Variants in RTCA observed in about 807,000 individuals in gnomAD.
RTCA encodes RNA terminal phosphate cyclase domain 1.
Under a neutral mutation model 46.1 loss-of-function variants are expected in RTCA, and 37 were observed. The observed-to-expected ratio is 0.80, with a 90% CI of 0.62 to 1.06. The LOEUF is 1.06. RTCA is among the 50% of genes least tolerant of loss of function. RTCA has a pLI of 0.00. For missense variants in RTCA, 435 were observed against 455.5 expected (o/e 0.95, Z 0.41); for synonymous variants, 164 against 158.3 (o/e 1.04, Z -0.27).
chr1:100,279,924 C>T (rs534675961), intron 8 of RTCA, among the ~76,000 whole-genome samples: 10 of 152,206 alleles, frequency 6.6e-5, no homozygotes, highest in African/African-American at 2.4e-4. Context: ...TACATTTCAT[C>T]CTGAAATATA....
Position 100,266,800 on chromosome 1 carries a change from A to G in RTCA, c.146+176A>G, listed in dbSNP as rs574646344. ...GGTGGCCTGGGTTGTAAAGTCTTGA[A>G]AGCCTGGAGGGGTGAGTTTAGAAAT... On this transcript the variant is annotated intron_variant, in intron 2 of 10. Coordinates refer to ENST00000370128, the MANE Select transcript of RTCA (RefSeq NM_003729.4). 1.6e-4 allele frequency: 95 copies of G among 591,626 alleles called. 1 individual carries two copies. In the South Asian group the frequency reaches 1.9e-3, roughly 12 times the overall value. The allele number at this position is 591,626 out of a possible 1,614,324, so 36.6% of individuals were successfully genotyped here.
rs1666458827 is a variant in RTCA, at chr1:100,277,460, A to G, written c.799+144A>G. 3.8e-6 allele frequency: 3 copies of G among 781,654 alleles called. No individual in the cohort carries two copies. The Admixed American group carries it at 1.0e-4, about 26-fold the overall frequency. The allele number at this position is 781,654 out of a possible 1,614,324, so 48.4% of individuals were successfully genotyped here. On this transcript the variant is annotated intron_variant, in intron 8 of 10. Coordinates refer to ENST00000370128, the MANE Select transcript of RTCA (RefSeq NM_003729.4). ...CTCTTTTAGAGTCAATTACACTTTC[A>G]GACTTTCAGTCTTTCTCCCACCTTT...
chr1:100,287,246 A>T (rs754659890), intron 10 of RTCA, 43 bp downstream of exon 10: 49 of 1,391,552 alleles, frequency 3.5e-5, no homozygotes, highest in Middle Eastern at 1.9e-4. Flanking sequence ...TTTGATTTTT[A>T]TTTTAGCCAA....
In RTCA at chr1:100,266,532, G is replaced by A. The variant is rs752022804; in HGVS notation, c.54G>A (p.Gln18=). ...VDGSIMEGGG[Q]ILRVSTALSC... ...TACCCCAACCTTTGCAGGGCGGCCA[G>A]ATCCTGAGAGTCTCTACGGCCTTGA... The change falls in exon 2 of 11, where the codon CAG becomes CAA. Residue 18 remains glutamine (Q), a synonymous_variant. Coordinates refer to ENST00000370128, the MANE Select transcript of RTCA (RefSeq NM_003729.4). 6.2e-6 allele frequency: 10 copies of A among 1,613,268 alleles called. No homozygotes were observed. The African/African-American group carries it at 1.3e-4, about 22-fold the overall frequency.
Position 100,266,535 on chromosome 1 carries a change from C to G in RTCA, c.57C>G (p.Ile19Met). 6.2e-7 allele frequency: 1 copy of G among 1,613,444 alleles called. No homozygotes were observed. The highest frequency in any genetic ancestry group is 8.5e-7 in the Non-Finnish European group (1 of 1,179,422). The change falls in exon 2 of 11, where the codon ATC becomes ATG. Residue 19 changes from isoleucine (I) to methionine (M), a missense_variant. Ile to Met is a conservative substitution (Grantham distance 10, BLOSUM62 1). Coordinates refer to ENST00000370128, the MANE Select transcript of RTCA (RefSeq NM_003729.4). Reference protein sequence around the residue: ...DGSIMEGGGQILRVSTALSCL... With the variant: ...DGSIMEGGGQMLRVSTALSCL... ...CCCAACCTTTGCAGGGCGGCCAGAT[C>G]CTGAGAGTCTCTACGGCCTTGAGCT...
chr1:100,276,430 G>A (rs1666385533), intron 7 of RTCA, among the ~76,000 whole-genome samples: 1 of 152,134 alleles, frequency 6.6e-6, no homozygotes, highest in Non-Finnish European at 1.5e-5. Context: ...TGTAATCCCA[G>A]CACTTTGGGA....
At chr1:100,272,404 A>G (rs975318209) in intron 4 of RTCA, among the ~76,000 whole-genome samples, 2 of 152,176 alleles carry the variant, frequency 1.3e-5, no homozygotes, top group African/African-American at 2.4e-5. Flanking sequence ...CCTGGGTAAC[A>G]TAGCGAGACC....
At chr1:100,269,259 A>G (rs1052820525) in intron 3 of RTCA, among the ~76,000 whole-genome samples, 5 of 151,810 alleles carry the variant, frequency 3.3e-5, no homozygotes, top group Non-Finnish European at 7.4e-5. Context: ...TTACATAACT[A>G]TTTCTTGTGA....
chr1:100,270,760 G>T, intron 4 of RTCA, 80 bp downstream of exon 4: 2 of 1,466,102 alleles, frequency 1.4e-6, no homozygotes, highest in Non-Finnish European at 1.8e-6. Flanking sequence ...TATCCTGAGT[G>T]TTTTTTTGTG....
chr1:100,280,168 G>T (rs561244976), intron 8 of RTCA, among the ~76,000 whole-genome samples: 7 of 152,322 alleles, frequency 4.6e-5, no homozygotes, highest in Admixed American at 2.6e-4. Context: ...GGAAGGCAGT[G>T]TAAAGTATGA....
At chr1:100,280,280 C>T (rs1166686229) in intron 8 of RTCA, among the ~76,000 whole-genome samples, 5 of 151,994 alleles carry the variant, frequency 3.3e-5, no homozygotes, top group African/African-American at 9.7e-5. Context: ...AGATATGCTG[C>T]GTTGAGATTG....
At chr1:100,288,955 T>C (rs1667178893) in intron 10 of RTCA, among the ~76,000 whole-genome samples, 1 of 152,072 alleles carries the variant, frequency 6.6e-6, no homozygotes, top group Non-Finnish European at 1.5e-5. Flanking sequence ...CCAGAGTAGC[T>C]GGGATTACAG....
At chr1:100,273,243 G>T in intron 4 of RTCA, 151 bp from the exon 5 acceptor site, 2 of 462,740 alleles carry the variant, frequency 4.3e-6, no homozygotes, top group Non-Finnish European at 7.7e-6. Context: ...TTTTTTATTT[G>T]AAAAAAATGG....
intron 8 of RTCA, among the ~76,000 whole-genome samples, chr1:100,283,859 G>A (rs1236376351): frequency 7.4e-5 from 11 of 148,128 alleles, no homozygotes; most frequent in African/African-American, 2.5e-4. Flanking sequence ...AGGCTGAAGC[G>A]GGAGGATCAC....
intron 3 of RTCA, 79 bp downstream of exon 3, chr1:100,268,374 T>TGTCTATG: frequency 8.5e-7 from 1 of 1,172,232 alleles, no homozygotes; most frequent in East Asian, 2.6e-5. Flanking sequence ...AGTTGCTTAA[T>TGTCTATG]GTCTATGAGC....
rs369744667 is a variant in RTCA at position 100,276,008 on chromosome 1, T to A, written c.740+285T>A. On this transcript the variant is annotated intron_variant, in intron 7 of 10. Transcript: ENST00000370128. ...CCACCACCACGCCCAGCTAATTTTT[T>A]GTATTTTTAGTAGAGACAGGGTTTC... Among the ~76,000 whole-genome samples, 20 of 152,052 alleles carry A rather than the reference T, an allele frequency of 1.3e-4. 1 individual carries two copies. In the East Asian group the frequency reaches 3.1e-3, roughly 24 times the overall value.
intron 8 of RTCA, 109 bp downstream of exon 8, chr1:100,277,425 T>G: frequency 1.0e-6 from 1 of 972,096 alleles, no homozygotes; most frequent in Non-Finnish European, 1.5e-6. Context: ...AAGGATGTAG[T>G]TAATTGATTC....
At chr1:100,268,357 C>G in intron 3 of RTCA, 62 bp downstream of exon 3, 1 of 1,360,026 alleles carries the variant, frequency 7.4e-7, no homozygotes, top group Non-Finnish European at 1.0e-6. Flanking sequence ...TTGCCACTTT[C>G]TGGGCAAGTT....
At chr1:100,273,158 A>G (rs541241747) in intron 4 of RTCA, among the ~76,000 whole-genome samples, 172 of 152,190 alleles carry the variant, frequency 1.1e-3, no homozygotes, top group African/African-American at 4.0e-3. Context: ...CTAAGTTCCA[A>G]TTTTTTTCGT....
Sources: gnomAD v4.1 joint callset for allele counts (sites outside exome capture counted in the v4.1 genomes callset) on GRCh38, gnomAD v4.1.1 for gene constraint, MANE v1.5 for transcripts, NCBI Gene and HGNC (gene_info 2026-07-23, HGNC 2026-07-21) for gene names.